Variants in ATRNL1 observed in about 807,000 individuals in gnomAD.
ATRNL1 encodes the protein attractin-like protein 1.
A neutral mutation model predicts 182.7 loss-of-function variants in ATRNL1; 95 were observed. The ratio of observed to expected loss-of-function variants is 0.52; its 90% CI spans 0.44 to 0.62. ATRNL1 has a LOEUF of 0.62. ATRNL1 is among the 20% of genes least tolerant of loss of function. The pLI is 0.00. For synonymous variants in ATRNL1, 576 were observed against 568.3 expected (o/e 1.01, Z -0.19); for missense variants, 1,471 against 1,679.5 (o/e 0.88, Z 2.17).
At chr10:115,148,090 T>G (rs764645579) in intron 5 of ATRNL1, among the ~76,000 whole-genome samples, 94 of 152,344 alleles carry the variant, frequency 6.2e-4, no homozygotes, top group Non-Finnish European at 1.1e-3. Flanking sequence ...GTACATGGGA[T>G]GTCTTTCCAT....
intron 27 of ATRNL1, among the ~76,000 whole-genome samples, chr10:115,738,792 A>G (rs1266713372): frequency 2.0e-5 from 3 of 152,062 alleles, no homozygotes; most frequent in African/African-American, 7.2e-5. Context: ...AAATTATTGA[A>G]ATCTACATGG....
chr10:115,878,435 A>C (rs1397310953), intron 28 of ATRNL1, among the ~76,000 whole-genome samples: 1 of 152,250 alleles, frequency 6.6e-6, no homozygotes, highest in Non-Finnish European at 1.5e-5. Context: ...CAATATGCTT[A>C]CCTGTCTACA....
chr10:115,408,102 C>T (rs1844940134), intron 20 of ATRNL1, among the ~76,000 whole-genome samples: 1 of 147,408 alleles, frequency 6.8e-6, no homozygotes, highest in South Asian at 2.2e-4. Context: ...TTCCCGGGTT[C>T]ACGCCATTCT....
intron 21 of ATRNL1, among the ~76,000 whole-genome samples, chr10:115,435,667 A>C (rs1846373466): frequency 6.6e-6 from 1 of 152,176 alleles, no homozygotes. Flanking sequence ...TTTCGCATTT[A>C]CTACTTTTCT....
At chr10:115,499,966 T>C (rs1849738670) in intron 24 of ATRNL1, among the ~76,000 whole-genome samples, 1 of 152,212 alleles carries the variant, frequency 6.6e-6, no homozygotes, top group East Asian at 1.9e-4. Flanking sequence ...TCTGATCTTT[T>C]ATGGCTAGGA....
chr10:115,142,965 G>A (rs1392501885), intron 5 of ATRNL1, among the ~76,000 whole-genome samples: 3 of 152,192 alleles, frequency 2.0e-5, no homozygotes, highest in Non-Finnish European at 2.9e-5. Context: ...GGTATGCCAA[G>A]TTAGAGATAT....
chr10:115,140,157 A>G (rs1486569276), intron 5 of ATRNL1, among the ~76,000 whole-genome samples: 1 of 152,162 alleles, frequency 6.6e-6, no homozygotes, highest in Non-Finnish European at 1.5e-5. Context: ...GTCCTGCTTA[A>G]TAGTATCTGC....
At chr10:115,774,498 G>T (rs1949073899) in intron 27 of ATRNL1, among the ~76,000 whole-genome samples, 1 of 150,820 alleles carries the variant, frequency 6.6e-6, no homozygotes, top group Admixed American at 6.6e-5. Context: ...AAGGTGCTCT[G>T]AGGGCCCAGA....
At chr10:115,611,704 A>C (rs1263164630) in intron 26 of ATRNL1, among the ~76,000 whole-genome samples, 1 of 152,122 alleles carries the variant, frequency 6.6e-6, no homozygotes, top group Non-Finnish European at 1.5e-5. Flanking sequence ...AAAGTTTATT[A>C]ATATTAAGAT....
chr10:115,911,105 A>G (rs1292617135), intron 28 of ATRNL1, among the ~76,000 whole-genome samples: 2 of 151,948 alleles, frequency 1.3e-5, no homozygotes, highest in Non-Finnish European at 2.9e-5. Flanking sequence ...CCCAGGTTCT[A>G]ACGATTCTCA....
intron 7 of ATRNL1, among the ~76,000 whole-genome samples, chr10:115,170,045 T>A (rs933173694): frequency 1.3e-5 from 2 of 152,108 alleles, no homozygotes; most frequent in East Asian, 1.9e-4. Flanking sequence ...TTTAAAAAAA[T>A]TTTTAGGACT....
At chr10:115,929,253 GTAA>G (rs1953325870) in intron 28 of ATRNL1, among the ~76,000 whole-genome samples, 1 of 152,030 alleles carries the variant, frequency 6.6e-6, no homozygotes, top group Non-Finnish European at 1.5e-5. Context: ...AGGAATTTGT[GTAA>G]TAATAAACAC....
chr10:115,592,379 C>A (rs1855963308), intron 26 of ATRNL1, among the ~76,000 whole-genome samples: 1 of 152,152 alleles, frequency 6.6e-6, no homozygotes, highest in African/African-American at 2.4e-5. Flanking sequence ...AATTCATACA[C>A]CATACATTTT....
rs141384828 is a variant in ATRNL1, at chr10:115,312,540, C to A, written c.2819-2978C>A. ...CTTTTGTCTTAGTGCTCTTAGAATT[C>A]TTTTATTCATGTTGACTTCAGAGAG... On this transcript the variant is annotated intron_variant, in intron 17 of 28. Coordinates refer to ENST00000355044, the MANE Select transcript of ATRNL1 (RefSeq NM_207303.4). 2.9e-3 allele frequency among the ~76,000 whole-genome samples: 439 copies of A among 152,218 alleles called. 2 individuals are homozygous for A. Among genetic ancestry groups the A allele is most frequent in the Non-Finnish European group, 5.0e-3 (340 of 67,998 alleles).
chr10:115,824,586 AC>A (rs1950383069), intron 27 of ATRNL1, among the ~76,000 whole-genome samples: 2 of 152,128 alleles, frequency 1.3e-5, no homozygotes, highest in African/African-American at 2.4e-5. Context: ...AGAAAAAAAA[AC>A]CCCATCAAAA....
intron 21 of ATRNL1, among the ~76,000 whole-genome samples, chr10:115,455,124 G>GT: frequency 6.6e-6 from 1 of 152,060 alleles, no homozygotes; most frequent in East Asian, 1.9e-4. Flanking sequence ...TTTGCCAGAT[G>GT]TTTTTCTGCA....
chr10:115,615,801 C>G (rs900204688), intron 26 of ATRNL1, among the ~76,000 whole-genome samples: 1 of 152,232 alleles, frequency 6.6e-6, no homozygotes, highest in African/African-American at 2.4e-5. Context: ...TGCCAGTCTT[C>G]CTGTACAGCC....
intron 26 of ATRNL1, among the ~76,000 whole-genome samples, chr10:115,608,943 G>T (rs2100149234): frequency 6.6e-6 from 1 of 151,362 alleles, no homozygotes; most frequent in Non-Finnish European, 1.5e-5. Flanking sequence ...TAGTTACTGG[G>T]GATTATTTTT....
intron 28 of ATRNL1, among the ~76,000 whole-genome samples, chr10:115,871,132 A>G (rs539068546): frequency 1.3e-3 from 192 of 151,912 alleles, no homozygotes; most frequent in African/African-American, 4.5e-3. Context: ...TCTTTTTTTT[A>G]TCATGATTGT....
Sources: gnomAD v4.1 joint callset for allele counts (sites outside exome capture counted in the v4.1 genomes callset) on GRCh38, gnomAD v4.1.1 for gene constraint, MANE v1.5 for transcripts, NCBI Gene and HGNC (gene_info 2026-07-23, HGNC 2026-07-21) for gene names.